The following PCDH15 variants were observed in gnomAD, a reference collection of about 807,000 sequenced individuals.
PCDH15 encodes the protein protocadherin related 15.
Under a neutral mutation model 178.5 loss-of-function variants are expected in PCDH15, and 129 were observed. The ratio of observed to expected loss-of-function variants is 0.72; its 90% CI spans 0.63 to 0.84. PCDH15 has a LOEUF of 0.84. Ranked by LOEUF, PCDH15 falls within the 40% of genes least tolerant of loss-of-function variation. The pLI is 0.00. For synonymous variants in PCDH15, 800 were observed against 732.0 expected (o/e 1.09, Z -1.50); for missense variants, 2,230 against 2,099.9 (o/e 1.06, Z -1.21).
intron 2 of PCDH15, among the ~76,000 whole-genome samples, chr10:55,161,366 C>T (rs11814356): frequency 0.11 from 17,387 of 152,132 alleles, 1,413 homozygotes; most frequent in Non-Finnish European, 0.17. Flanking sequence ...AAAACTACCT[C>T]TGCATAATAT....
rs184574315 is a variant in PCDH15 at position 54,412,791 on chromosome 10, G to A, written c.158-33849C>T. 1.5e-3 allele frequency among the ~76,000 whole-genome samples: 231 copies of A among 152,138 alleles called. 2 individuals are homozygous for A. The highest frequency in any genetic ancestry group is 4.9e-3 in the African/African-American group (205 of 41,504). On this transcript the variant is annotated intron_variant, in intron 3 of 37. Coordinates refer to ENST00000644397, the MANE Select transcript of PCDH15 (RefSeq NM_001384140.1). ...GGGTGGAGGGCAGTGGCGTGACCCC[G>A]GCTCACTGCAATCTCCGCTTCCCTG...
chr10:55,592,961 T>A (rs1842871739), intron 2 of PCDH15, among the ~76,000 whole-genome samples: 1 of 152,098 alleles, frequency 6.6e-6, no homozygotes, highest in African/African-American at 2.4e-5. Flanking sequence ...TGCCTTAACG[T>A]AATACTACTT....
At chr10:54,596,524 G>T (rs2092249399) in intron 2 of PCDH15, among the ~76,000 whole-genome samples, 1 of 152,062 alleles carries the variant, frequency 6.6e-6, no homozygotes, top group Non-Finnish European at 1.5e-5. Flanking sequence ...ACACAGACCA[G>T]TAACACTATA....
At chr10:54,491,818 T>C (rs1190501698) in intron 3 of PCDH15, among the ~76,000 whole-genome samples, 1 of 152,136 alleles carries the variant, frequency 6.6e-6, no homozygotes, top group East Asian at 1.9e-4. Context: ...TTTAGGAATA[T>C]ATGGTAAAAG....
chr10:54,357,251 A>G (rs1945170131), intron 5 of PCDH15, among the ~76,000 whole-genome samples: 1 of 152,140 alleles, frequency 6.6e-6, no homozygotes. Context: ...ACATGACTGT[A>G]TATCTGAAAA....
At chr10:54,768,891 A>C (rs1355263425) in intron 1 of PCDH15, among the ~76,000 whole-genome samples, 1 of 152,102 alleles carries the variant, frequency 6.6e-6, no homozygotes, top group Admixed American at 6.5e-5. Flanking sequence ...CTATAGTTTT[A>C]GTTTGAAACC....
chr10:55,540,166 G>A (rs1841725709), intron 2 of PCDH15, among the ~76,000 whole-genome samples: 1 of 152,012 alleles, frequency 6.6e-6, no homozygotes, highest in Admixed American at 6.6e-5. Flanking sequence ...GTCCATTTGT[G>A]TGAGTAGACT....
rs550477419 is a variant in PCDH15 at position 55,160,019 on chromosome 10, A to C, written c.-80+6557T>G. Among the ~76,000 whole-genome samples the C allele has an allele frequency of 2.6e-5, 4 of 151,986 alleles. No individual in the cohort carries two copies. The South Asian group carries it at 8.3e-4, about 32-fold the overall frequency. ...TTTAGGCATCTTTAAAGCTACTCCA[A>C]ATCTTCTTCTACCCTTTCAATTCCC... is the stretch of plus-strand genomic sequence containing the variant. On this transcript the variant is annotated intron_variant, in intron 2 of 5. Transcript: ENST00000458638.
chr10:53,816,305 GA>G, intron 34 of PCDH15, 28 bp from the exon 35 acceptor site: 1 of 398,518 alleles, frequency 2.5e-6, no homozygotes, highest in Non-Finnish European at 4.4e-6. Flanking sequence ...AATAGAAAAA[GA>G]TTTAGAAAAT....
At position 53,905,328 on chromosome 10, in the gene PCDH15, A is replaced by AT. The variant is rs1020457723; in HGVS notation, c.3374-1959dup. On this transcript the variant is annotated intron_variant, in intron 25 of 37. Coordinates refer to ENST00000644397, the MANE Select transcript of PCDH15 (RefSeq NM_001384140.1). ...TAAACCAACCACCATTCATATGTACATTTTTTTCTTTTTCTTGTTTTTTGA... is the reference window on the plus strand; with the variant it reads ...TAAACCAACCACCATTCATATGTACATTTTTTTTCTTTTTCTTGTTTTTTGA... The AT allele has an allele frequency of 2.0e-4, 89 of 454,824 alleles. 1 individual carries two copies. Among genetic ancestry groups the AT allele is most frequent in the African/African-American group, 1.7e-3 (84 of 49,300 alleles). The allele number at this position is 454,824 out of a possible 1,614,324, so 28.2% of individuals were successfully genotyped here. A position where few individuals can be genotyped will look rare whatever the true frequency, so the allele number is the denominator to read the frequency against.
intron 2 of PCDH15, among the ~76,000 whole-genome samples, chr10:55,466,476 A>C (rs374434066): frequency 2.0e-5 from 3 of 152,288 alleles, no homozygotes. Context: ...CAGCGCCTAC[A>C]TCCGCTGACT....
chr10:54,555,970 G>A (rs58996277), intron 2 of PCDH15, among the ~76,000 whole-genome samples: 47,081 of 151,400 alleles, frequency 0.31, 7,988 homozygotes, highest in East Asian at 0.52. Context: ...CAACCAAAGG[G>A]AAAGGACAAA....
intron 2 of PCDH15, among the ~76,000 whole-genome samples, chr10:54,533,610 A>G (rs11004352): frequency 0.16 from 24,314 of 152,164 alleles, 2,356 homozygotes; most frequent in East Asian, 0.44. Context: ...TTCAAATACT[A>G]AAGTTTAAAT....
chr10:55,370,614 T>C lies in PCDH15; in HGVS notation c.-155-203963A>G, dbSNP rs568307863. Among the ~76,000 whole-genome samples, 19 of 152,250 alleles carry C rather than the reference T, an allele frequency of 1.2e-4. No individual in the cohort carries two copies. The East Asian group carries it at 2.7e-3, about 22-fold the overall frequency. On this transcript the variant is annotated intron_variant, in intron 2 of 5. Coordinates refer to the PCDH15 transcript ENST00000613346. ...CTGAAGTTCAGAGTCCTAATTAATGTTATATTTAGTGATCCTTACAAATTG... is the reference window on the plus strand; with the variant it reads ...CTGAAGTTCAGAGTCCTAATTAATGCTATATTTAGTGATCCTTACAAATTG...
intron 25 of PCDH15, among the ~76,000 whole-genome samples, chr10:53,929,988 C>A (rs973384180): frequency 6.6e-6 from 1 of 152,196 alleles, no homozygotes; most frequent in East Asian, 1.9e-4. Context: ...GACTCTGTGG[C>A]ACAAATATTA....
chr10:55,204,075 A>ATT lies in PCDH15; in HGVS notation c.-155-37426_-155-37425dup, dbSNP rs552647884. On this transcript the variant is annotated intron_variant, in intron 1 of 5. Transcript: ENST00000458638. Reference sequence around the variant, plus strand: ...TTATTTAAAAAATTAATTTATAAACATTATATATAGTGCATTTATTATATA... The same window carrying ATT: ...TTATTTAAAAAATTAATTTATAAACATTTTATATATAGTGCATTTATTATATA... Among the ~76,000 whole-genome samples the ATT allele has an allele frequency of 1.8e-3, 267 of 150,104 alleles. 1 individual carries two copies. The highest frequency in any genetic ancestry group is 0.011 in the Middle Eastern group (3 of 282).
intron 2 of PCDH15, among the ~76,000 whole-genome samples, chr10:55,451,289 G>A (rs530763609): frequency 6.6e-6 from 1 of 151,956 alleles, no homozygotes; most frequent in African/African-American, 2.4e-5. Flanking sequence ...ACGAGGTCAG[G>A]AGATCGAGGC....
rs2076121250 is a variant in PCDH15, at chr10:53,817,845, TAAAAG to T, written c.4452+145_4452+149del. The stretch of plus-strand genomic sequence containing the variant: ...CCTTAAAACAGGGAAGCAACATATA[TAAAAG>T]AAAATAAATAGCATAACATACTAAT... On this transcript the variant is annotated intron_variant, in intron 34 of 37. Coordinates refer to ENST00000644397, the MANE Select transcript of PCDH15 (RefSeq NM_001384140.1). The T allele has an allele frequency of 1.3e-5, 5 of 389,072 alleles. No homozygotes were observed. In the East Asian group the frequency reaches 1.8e-4, roughly 14 times the overall value. The allele number at this position is 389,072 out of a possible 1,614,324, so 24.1% of individuals were successfully genotyped here. A position where few individuals can be genotyped will look rare whatever the true frequency, so the allele number is the denominator to read the frequency against.
chr10:55,029,259 T>C (rs1228979344), intron 2 of PCDH15, among the ~76,000 whole-genome samples: 1 of 151,984 alleles, frequency 6.6e-6, no homozygotes, highest in African/African-American at 2.4e-5. Context: ...CCTTTACATA[T>C]CCCAAATACC....
Sources: gnomAD v4.1 joint callset for allele counts (sites outside exome capture counted in the v4.1 genomes callset) on GRCh38, gnomAD v4.1.1 for gene constraint, MANE v1.5 for transcripts, NCBI Gene and HGNC (gene_info 2026-07-23, HGNC 2026-07-21) for gene names.